The following NSD2 variants were observed in gnomAD, a reference collection of about 807,000 sequenced individuals.
The protein encoded by NSD2 is nuclear receptor binding SET domain protein 2, also known as histone-lysine N-methyltransferase NSD2.
Under a neutral mutation model 139.0 loss-of-function variants are expected in NSD2, and 12 were observed. The ratio of observed to expected loss-of-function variants is 0.09; its 90% CI spans 0.06 to 0.14. NSD2 has a LOEUF of 0.14. Among genes scored for constraint, NSD2 ranks in the 10% least tolerant of loss-of-function variants. The probability of loss-of-function intolerance (pLI) is 1.00; values close to 1 mark genes in which losing one functional copy is unlikely to be tolerated. For missense variants in NSD2, 1,155 were observed against 1,745.0 expected (o/e 0.66, Z 6.02); for synonymous variants, 669 against 648.7 (o/e 1.03, Z -0.48).
intron 9 of NSD2, chr4:1,941,351 A>T: frequency 1.9e-6 from 2 of 1,052,302 alleles, no homozygotes; most frequent in South Asian, 4.6e-5. Context: ...TAGAGAGAAC[A>T]TGGAGCCTGC....
intron 4 of NSD2, among the ~76,000 whole-genome samples, chr4:1,917,590 C>T (rs1430574496): frequency 2.0e-5 from 3 of 152,014 alleles, no homozygotes; most frequent in African/African-American, 4.8e-5. Context: ...GTGCCTGCCA[C>T]CACGCCTGGC....
At chr4:1,947,915 A>G (rs1723805860) in intron 9 of NSD2, 1 of 1,056,440 alleles carries the variant, frequency 9.5e-7, no homozygotes, top group South Asian at 4.6e-5. Context: ...GCAGTCACAG[A>G]AGGTGGCATC....
At chr4:1,908,315 G>T (rs1044656705) in intron 3 of NSD2, among the ~76,000 whole-genome samples, 2 of 152,226 alleles carry the variant, frequency 1.3e-5, no homozygotes, top group Admixed American at 1.3e-4. Flanking sequence ...CAGAAGAAGG[G>T]AGTGTCCTGC....
intron 5 of NSD2, among the ~76,000 whole-genome samples, chr4:1,920,129 T>A (rs1331477602): frequency 6.6e-6 from 1 of 152,172 alleles, no homozygotes; most frequent in Non-Finnish European, 1.5e-5. Flanking sequence ...ATCTGGAAAT[T>A]CTGCCAGAGA....
chr4:1,973,522 G>A lies in NSD2; in HGVS notation c.3373-1341G>A, dbSNP rs1294371160. 1.3e-5 allele frequency among the ~76,000 whole-genome samples: 2 copies of A among 152,256 alleles called. No individual in the cohort carries two copies. Among genetic ancestry groups the A allele is most frequent in the Non-Finnish European group, 2.9e-5 (2 of 68,042 alleles). On this transcript the variant is annotated intron_variant, in intron 18 of 21. Coordinates refer to ENST00000508803, the MANE Select transcript of NSD2 (RefSeq NM_001042424.3). This position sits in a 1 kb window ranked among gnomAD's most constrained non-coding sequence, Gnocchi z 5.5. ...CACCCCCACTTCTGTGTTGAAGAGT[G>A]GCACTCTGGGTTGATTAGTGCATTT...
intron 9 of NSD2, among the ~76,000 whole-genome samples, chr4:1,950,155 G>C (rs1724058653): frequency 6.6e-6 from 1 of 152,204 alleles, no homozygotes; most frequent in Non-Finnish European, 1.5e-5. Context: ...CAGACAAGAA[G>C]ATTCTCTATT....
intron 1 of NSD2, among the ~76,000 whole-genome samples, chr4:1,899,687 T>G (rs1193859452): frequency 1.3e-5 from 2 of 152,214 alleles, no homozygotes; most frequent in African/African-American, 4.8e-5. Context: ...GCCCCTTCAC[T>G]AGATGTCTCA....
At chr4:1,896,518 G>A (rs1465054842) in intron 1 of NSD2, among the ~76,000 whole-genome samples, 1 of 152,182 alleles carries the variant, frequency 6.6e-6, no homozygotes, top group Non-Finnish European at 1.5e-5. Context: ...GTAGATGTGC[G>A]CCAGTGTGCC....
At chr4:1,951,279 T>C (rs922799176) in intron 10 of NSD2, 76 bp downstream of exon 10, 5 of 1,589,666 alleles carry the variant, frequency 3.1e-6, no homozygotes, top group Non-Finnish European at 4.3e-6. Context: ...GAATTTGTAG[T>C]GTCTTTTCCC....
intron 5 of NSD2, among the ~76,000 whole-genome samples, chr4:1,921,781 C>CAAAAAA (rs748895885): frequency 3.1e-5 from 2 of 64,980 alleles, no homozygotes. Flanking sequence ...GACTCTGTCT[C>CAAAAAA]AAAAAAAAAA....
At chr4:1,926,862 T>C (rs1720976542) in intron 5 of NSD2, among the ~76,000 whole-genome samples, 1 of 152,222 alleles carries the variant, frequency 6.6e-6, no homozygotes, top group Non-Finnish European at 1.5e-5. Context: ...GTCAGTTCTT[T>C]TTACATGCCT....
intron 5 of NSD2, among the ~76,000 whole-genome samples, chr4:1,923,342 T>A (rs1244654984): frequency 6.6e-6 from 1 of 151,246 alleles, no homozygotes; most frequent in Non-Finnish European, 1.5e-5. Flanking sequence ...AAAAAAATTC[T>A]TATGTGTCAA....
chr4:1,898,831 T>C (rs1472344858), intron 1 of NSD2, among the ~76,000 whole-genome samples: 1 of 151,912 alleles, frequency 6.6e-6, no homozygotes, highest in Non-Finnish European at 1.5e-5. Context: ...CCTTGAGATT[T>C]CCCCCCTCAT....
chr4:1,895,500 G>C (rs1043337147), intron 1 of NSD2, among the ~76,000 whole-genome samples: 1 of 151,902 alleles, frequency 6.6e-6, no homozygotes, highest in Non-Finnish European at 1.5e-5. Context: ...GCTGTGCCTG[G>C]TCTGCTATAT....
At chr4:1,921,798 AAAG>A (rs1720170757) in intron 5 of NSD2, among the ~76,000 whole-genome samples, 1 of 152,066 alleles carries the variant, frequency 6.6e-6, no homozygotes, top group South Asian at 2.1e-4. Context: ...AAAAAAAAAA[AAAG>A]AATAAGACAG....
rs1400454043 is a variant in NSD2, at chr4:1,945,871, T to C, written c.1882-5201T>C. 1.0e-5 allele frequency: 11 copies of C among 1,061,280 alleles called. No homozygotes were observed. The South Asian group carries it at 4.1e-4, about 40-fold the overall frequency. The allele number at this position is 1,061,280 out of a possible 1,614,324, so 65.7% of individuals were successfully genotyped here. A position where few individuals can be genotyped will look rare whatever the true frequency, so the allele number is the denominator to read the frequency against. Reference sequence around the variant, plus strand: ...ATGAAAAATAAGGTCGTTATGACTTTGGCAACTTGCTTCATTTCTTTTTCA... The same window carrying C: ...ATGAAAAATAAGGTCGTTATGACTTCGGCAACTTGCTTCATTTCTTTTTCA... On this transcript the variant is annotated intron_variant, in intron 9 of 21. Transcript: ENST00000508803.
At chr4:1,947,610 G>C in intron 9 of NSD2, 1 of 1,054,898 alleles carries the variant, frequency 9.5e-7, no homozygotes. Context: ...TGTTAACTTG[G>C]AAGACCTGTT....
intron 5 of NSD2, among the ~76,000 whole-genome samples, chr4:1,926,084 T>G (rs566785759): frequency 4.0e-5 from 6 of 151,712 alleles, no homozygotes; most frequent in Non-Finnish European, 8.8e-5. Flanking sequence ...ATTACAGACA[T>G]GAGCCAGTGC....
rs955742321 is a variant in NSD2 at position 1,974,393 on chromosome 4, T to C, written c.3373-470T>C. ...GCCCAGCTAATTTTTTTTGTATTTT[T>C]AGTAGAGATGGGGGTTCACCATGTT... On this transcript the variant is annotated intron_variant, in intron 18 of 21. Transcript: ENST00000508803. This position sits in a 1 kb window ranked among gnomAD's most constrained non-coding sequence, Gnocchi z 4.0. Among the ~76,000 whole-genome samples, 2 of 152,120 alleles carry C rather than the reference T, an allele frequency of 1.3e-5. No homozygotes were observed. Among genetic ancestry groups the C allele is most frequent in the Admixed American group, 1.3e-4 (2 of 15,274 alleles).
Sources: gnomAD v4.1 joint callset for allele counts (sites outside exome capture counted in the v4.1 genomes callset) on GRCh38, gnomAD v4.1.1 for gene constraint, Gnocchi (gnomAD v3.1) non-coding constraint, MANE v1.5 for transcripts, NCBI Gene and HGNC (gene_info 2026-07-23, HGNC 2026-07-21) for gene names.